Variants in PPP2R3A observed in about 807,000 individuals in gnomAD.
PPP2R3A encodes serine/threonine-protein phosphatase 2A regulatory subunit B'' subunit alpha.
Under a neutral mutation model 106.9 loss-of-function variants are expected in PPP2R3A, and 80 were observed. The ratio of observed to expected loss-of-function variants is 0.75; its 90% CI spans 0.62 to 0.90. PPP2R3A has a LOEUF of 0.90. Among genes scored for constraint, PPP2R3A ranks in the 40% least tolerant of loss-of-function variants. PPP2R3A has a pLI of 0.00. For synonymous variants in PPP2R3A, 483 were observed against 468.3 expected (o/e 1.03, Z -0.41); for missense variants, 1,386 against 1,350.4 (o/e 1.03, Z -0.41).
chr3:136,036,121 C>G lies in PPP2R3A; in HGVS notation c.2263-4738C>G, dbSNP rs541266303. Among the ~76,000 whole-genome samples, 5 of 152,110 alleles carry G rather than the reference C, an allele frequency of 3.3e-5. No individual in the cohort carries two copies. The East Asian group carries it at 7.7e-4, about 24-fold the overall frequency. On this transcript the variant is annotated intron_variant, in intron 3 of 13. Coordinates refer to ENST00000264977, the MANE Select transcript of PPP2R3A (RefSeq NM_002718.5). ...ATTTCCTTGAATATTTTTCCCTTCA[C>G]TTGTATCATTTTTTGGATTTCCTTA...
intron 6 of PPP2R3A, among the ~76,000 whole-genome samples, chr3:136,077,771 C>A (rs1559906357): frequency 6.6e-6 from 1 of 152,136 alleles, no homozygotes. Context: ...AGGTTTTCTC[C>A]AGAGTTGCAA....
intron 3 of PPP2R3A, among the ~76,000 whole-genome samples, chr3:136,031,543 T>A (rs1405324103): frequency 6.6e-6 from 1 of 152,216 alleles, no homozygotes; most frequent in Non-Finnish European, 1.5e-5. Context: ...TTTTGTTACA[T>A]TTGCTTTTGG....
intron 3 of PPP2R3A, among the ~76,000 whole-genome samples, chr3:136,029,644 G>A (rs1304603531): frequency 3.9e-5 from 6 of 152,196 alleles, no homozygotes; most frequent in African/African-American, 1.4e-4. Context: ...ACATGGAGAA[G>A]TTTAAAAAGA....
At chr3:136,102,665 G>A (rs138620633) in intron 11 of PPP2R3A, among the ~76,000 whole-genome samples, 4 of 152,130 alleles carry the variant, frequency 2.6e-5, no homozygotes, top group Non-Finnish European at 4.4e-5. Flanking sequence ...GCAATTGATG[G>A]CAAGTCTGCT....
chr3:136,101,112 C>T (rs893882768), intron 10 of PPP2R3A, among the ~76,000 whole-genome samples: 1 of 152,100 alleles, frequency 6.6e-6, no homozygotes, highest in Non-Finnish European at 1.5e-5. Flanking sequence ...GACTAAGCAG[C>T]CCAGATTAGA....
intron 5 of PPP2R3A, among the ~76,000 whole-genome samples, chr3:136,050,502 C>A (rs1014274861): frequency 2.6e-5 from 4 of 152,198 alleles, no homozygotes; most frequent in Non-Finnish European, 5.9e-5. Flanking sequence ...CATCAGCCAT[C>A]TTTGGCTAGC....
intron 7 of PPP2R3A, among the ~76,000 whole-genome samples, chr3:136,081,181 CG>C (rs575732350): frequency 2.0e-5 from 3 of 151,962 alleles, no homozygotes; most frequent in African/African-American, 7.2e-5. Flanking sequence ...ATAGTAGAGA[CG>C]GGGTTTCACC....
At chr3:135,966,804 C>A (rs1459685945) in intron 1 of PPP2R3A, among the ~76,000 whole-genome samples, 1 of 152,230 alleles carries the variant, frequency 6.6e-6, no homozygotes, top group Non-Finnish European at 1.5e-5. Flanking sequence ...AAGTATTCCT[C>A]CTCAAATCTT....
chr3:136,063,009 G>C (rs888998316), intron 5 of PPP2R3A, among the ~76,000 whole-genome samples: 8 of 152,178 alleles, frequency 5.3e-5, no homozygotes, highest in Non-Finnish European at 1.0e-4. Context: ...CACGCTACCT[G>C]ACTTCAAACT....
At chr3:136,131,742 G>A (rs569166358) in intron 13 of PPP2R3A, among the ~76,000 whole-genome samples, 74 of 152,270 alleles carry the variant, frequency 4.9e-4, no homozygotes, top group Non-Finnish European at 9.8e-4. Context: ...ATTTGCAATA[G>A]CAAAGACTTG....
intron 13 of PPP2R3A, among the ~76,000 whole-genome samples, chr3:136,125,266 G>C (rs891329286): frequency 6.6e-6 from 1 of 152,174 alleles, no homozygotes. Context: ...GTTGTGGTGA[G>C]CTGAGATCGT....
chr3:135,966,666 A>T (rs1253402663), intron 1 of PPP2R3A, among the ~76,000 whole-genome samples: 3 of 152,192 alleles, frequency 2.0e-5, no homozygotes, highest in Non-Finnish European at 1.5e-5. Flanking sequence ...CTTGGTGGTC[A>T]GCAAATGTAG....
chr3:136,010,159 C>G (rs901954322), intron 2 of PPP2R3A, among the ~76,000 whole-genome samples: 5 of 152,116 alleles, frequency 3.3e-5, no homozygotes, highest in Non-Finnish European at 5.9e-5. Context: ...TATCCATCTC[C>G]TACCCATATC....
At chr3:136,114,323 A>C (rs1428957738) in intron 13 of PPP2R3A, among the ~76,000 whole-genome samples, 1 of 152,162 alleles carries the variant, frequency 6.6e-6, no homozygotes, top group African/African-American at 2.4e-5. Flanking sequence ...AGTTTCAAGC[A>C]CAAAACTGGG....
chr3:136,108,631 A>T (rs186438988), intron 13 of PPP2R3A, among the ~76,000 whole-genome samples: 1 of 152,138 alleles, frequency 6.6e-6, no homozygotes, highest in Admixed American at 6.5e-5. Flanking sequence ...GATAATGAAT[A>T]GTGATGGACC....
intron 7 of PPP2R3A, 75 bp downstream of exon 7, chr3:136,078,528 G>C: frequency 1.0e-6 from 1 of 972,932 alleles, no homozygotes; most frequent in South Asian, 1.4e-5. Flanking sequence ...AAATATTTGA[G>C]CGCTTACTCT....
intron 2 of PPP2R3A, chr3:136,022,781 C>A: frequency 8.5e-7 from 1 of 1,174,790 alleles, no homozygotes; most frequent in Non-Finnish European, 1.1e-6. Flanking sequence ...GTCAATTTGA[C>A]ATAAAGCTAC....
chr3:136,023,612 G>A (rs1006043918), intron 2 of PPP2R3A, among the ~76,000 whole-genome samples: 31 of 152,038 alleles, frequency 2.0e-4, no homozygotes, highest in African/African-American at 7.2e-4. Flanking sequence ...TTATATATTA[G>A]CGTGCATACA....
At position 136,001,821 on chromosome 3, in the gene PPP2R3A, A is replaced by G. The variant is rs36020282; in HGVS notation, c.323A>G (p.Asn108Ser). 3.9e-3 allele frequency: 6,324 copies of G among 1,614,154 alleles called. 23 individuals carry two copies. The highest frequency in any genetic ancestry group is 0.021 in the Middle Eastern group (128 of 6,062). Reference protein sequence around the residue: ...KRGSTFQNTYNLKDIAGEAIS... With the variant: ...KRGSTFQNTYSLKDIAGEAIS... ...GGATCTACATTTCAGAATACCTACA[A>G]CTTAAAGGATATTGCAGGAGAAGCA... The change falls in exon 2 of 14, where the codon AAC becomes AGC. Residue 108 changes from asparagine to serine, a missense_variant. Physicochemically the swap from Asn to Ser is conservative, Grantham distance 46 (BLOSUM62 1). Transcript: ENST00000264977.
Sources: gnomAD v4.1 joint callset for allele counts (sites outside exome capture counted in the v4.1 genomes callset) on GRCh38, gnomAD v4.1.1 for gene constraint, MANE v1.5 for transcripts, NCBI Gene and HGNC (gene_info 2026-07-23, HGNC 2026-07-21) for gene names.